The following KIF17 variants were observed in gnomAD, a reference collection of about 807,000 sequenced individuals.
The protein encoded by KIF17 is kinesin family member 17.
In KIF17, 80 loss-of-function variants were observed where a neutral mutation model predicts 96.8. The ratio of observed to expected loss-of-function variants is 0.83; its 90% confidence interval spans 0.69 to 1.00. KIF17 has a LOEUF of 1.00. KIF17 is among the 50% of genes least tolerant of loss of function. The probability of loss-of-function intolerance (pLI) is 0.00; values close to 1 mark genes in which losing one functional copy is unlikely to be tolerated. For missense variants in KIF17, 1,280 were observed against 1,372.9 expected (o/e 0.93, Z 1.07); for synonymous variants, 567 against 587.5 (o/e 0.97, Z 0.51).
At position 20,666,229 on chromosome 1, in the gene KIF17, C is replaced by T. The variant is rs371204342; in HGVS notation, c.2893G>A (p.Ala965Thr). 9.9e-6 allele frequency: 16 copies of T among 1,613,398 alleles called. No homozygotes were observed. Among genetic ancestry groups the T allele is most frequent in the Non-Finnish European group, 1.3e-5 (15 of 1,179,410 alleles). ...KRASQILSTD[A>T]RKSLTHHNSP... ...GGACACTCACTGAGGCTCTTCCTGG[C>T]GTCTGTGCTGAGGATCTGGCTGGCC... Residue 965 changes from alanine to threonine, a missense_variant, in exon 14 of 15, where the codon GCC becomes ACC. Physicochemically the swap from Ala to Thr is moderately conservative, Grantham distance 58. Coordinates refer to ENST00000400463, the MANE Select transcript of KIF17 (RefSeq NM_001122819.3).
chr1:20,688,930 G>A (rs12406377), intron 7 of KIF17, among the ~76,000 whole-genome samples: 4,224 of 152,276 alleles, frequency 0.028, 168 homozygotes, highest in East Asian at 0.12. Context: ...GCCCCTTAGT[G>A]CTCCAGTTCA....
chr1:20,686,849 A>G (rs1235676097), intron 8 of KIF17, among the ~76,000 whole-genome samples: 1 of 152,166 alleles, frequency 6.6e-6, no homozygotes, highest in African/African-American at 2.4e-5. Flanking sequence ...GCGTGAGCCA[A>G]TGTGCCTGGC....
intron 6 of KIF17, among the ~76,000 whole-genome samples, 181 bp from the exon 7 acceptor site, chr1:20,690,516 T>C (rs1328639530): frequency 6.6e-6 from 1 of 152,020 alleles, no homozygotes; most frequent in East Asian, 1.9e-4. Context: ...CTGTTCTCAA[T>C]GCTTTTTTGT....
chr1:20,673,355 T>G (rs575079195), intron 11 of KIF17, among the ~76,000 whole-genome samples: 1 of 151,750 alleles, frequency 6.6e-6, no homozygotes, highest in South Asian at 2.1e-4. Context: ...GGGTTTCAAC[T>G]GGATTAACAA....
chr1:20,714,044 T>C (rs999868129), intron 2 of KIF17, among the ~76,000 whole-genome samples: 55 of 151,912 alleles, frequency 3.6e-4, no homozygotes, highest in Middle Eastern at 3.4e-3. Flanking sequence ...AAAAATTAGC[T>C]AGGCCAAGCG....
In KIF17 at chr1:20,690,293, C is replaced by A. The variant is rs770624460; in HGVS notation, c.1276G>T (p.Ala426Ser). ...RLARLKADYK[A>S]EQESRARLEE... ...AGCCTGGCCCGAGACTCCTGCTCGG[C>A]CTTATAGTCGGCTTTCAGCCGGGCC... The change falls in exon 7 of 15, where the codon GCC (alanine) becomes TCC (serine). Residue 426 changes from alanine to serine, a missense_variant. By Grantham distance (99) the Ala-to-Ser change is moderately conservative. Coordinates refer to ENST00000400463, the MANE Select transcript of KIF17 (RefSeq NM_001122819.3). 3 of 1,377,562 alleles carry A rather than the reference C, an allele frequency of 2.2e-6. No individual in the cohort carries two copies. The highest frequency in any genetic ancestry group is 9.7e-7 in the Non-Finnish European group (1 of 1,031,750). The allele number at this position is 1,377,562 out of a possible 1,614,324, so 85.3% of individuals were successfully genotyped here.
At chr1:20,708,102 C>G (rs867882512) in intron 4 of KIF17, among the ~76,000 whole-genome samples, 11 of 151,922 alleles carry the variant, frequency 7.2e-5, no homozygotes, top group African/African-American at 2.7e-4. Flanking sequence ...CCCCCTAAAC[C>G]CGCTCCCTCC....
In KIF17 at chr1:20,672,241, C is replaced by T. The variant is rs1233194956; in HGVS notation, c.2464-45G>A. On this transcript the variant is annotated intron_variant, in intron 11 of 14. Transcript: ENST00000400463. This position sits in a 1 kb window ranked among gnomAD's most constrained non-coding sequence, Gnocchi z 4.3. The stretch of plus-strand genomic sequence containing the variant: ...AGCAGTGAGCAGGGAAAGATACCTC[C>T]CCTTCCATCTAACCACCCTGTCCAC... 6.2e-7 allele frequency: 1 copy of T among 1,609,480 alleles called. No individual in the cohort carries two copies. The highest frequency in any genetic ancestry group is 1.3e-5 in the African/African-American group (1 of 74,828).
At position 20,710,000 on chromosome 1, in the gene KIF17, A is replaced by G. The variant is rs1228282589; in HGVS notation, c.481-172T>C. Among the ~76,000 whole-genome samples, 1 of 152,198 alleles carries G rather than the reference A, an allele frequency of 6.6e-6. No homozygotes were observed. The highest frequency in any genetic ancestry group is 1.5e-5 in the Non-Finnish European group (1 of 68,026). ...GGAGGGGTGTGTTCCAGGCCCAGCC[A>G]GCCTCAGACCTACCCCTGCCTCCTA... On this transcript the variant is annotated intron_variant, in intron 3 of 14. Coordinates refer to ENST00000400463, the MANE Select transcript of KIF17 (RefSeq NM_001122819.3). The surrounding 1 kb of genome is among the most constrained non-coding windows in gnomAD (Gnocchi z 4.7).
Position 20,690,174 on chromosome 1 carries a change from C to T in KIF17, c.1381+14G>A. 6.2e-7 allele frequency: 1 copy of T among 1,614,048 alleles called. No homozygotes were observed. The highest frequency in any genetic ancestry group is 8.5e-7 in the Non-Finnish European group (1 of 1,180,032). ...CTTCCCTGGAGACAGCCTCGGGGGG[C>T]AAGGGGTGCCCACCTGTCTCCTTCC... On this transcript the variant is annotated intron_variant, in intron 7 of 14. Transcript: ENST00000400463.
At chr1:20,698,330 G>A (rs2054177802) in intron 6 of KIF17, 49 bp downstream of exon 6, 1 of 1,358,538 alleles carries the variant, frequency 7.4e-7, no homozygotes, top group Non-Finnish European at 1.1e-6. Flanking sequence ...TTCCCGCTGG[G>A]CCCCACCTGC....
chr1:20,671,970 T>C lies in KIF17; in HGVS notation c.2690A>G (p.His897Arg). The C allele has an allele frequency of 1.2e-6, 2 of 1,613,956 alleles. No homozygotes were observed. The highest frequency in any genetic ancestry group is 1.7e-6 in the Non-Finnish European group (2 of 1,180,038). Reference sequence around the variant, plus strand: ...GAGGCTGGTTTTTGTGATGACGGGATGTGGGATCTTCCAGAAGCCGTTATC... The same window carrying C: ...GAGGCTGGTTTTTGTGATGACGGGACGTGGGATCTTCCAGAAGCCGTTATC... The part of the protein sequence containing the change: ...DEDNGFWKIP[H>R]PVITKTSLPV... Residue 897 changes from histidine (H) to arginine (R), a missense_variant, in exon 12 of 15, where the codon CAT (histidine) becomes CGT (arginine). By Grantham distance (29) the His-to-Arg change is conservative. Coordinates refer to ENST00000400463, the MANE Select transcript of KIF17 (RefSeq NM_001122819.3).
chr1:20,688,313 T>C (rs1570453546), intron 7 of KIF17, among the ~76,000 whole-genome samples: 1 of 152,096 alleles, frequency 6.6e-6, no homozygotes, highest in Admixed American at 6.6e-5. Context: ...CCTCCCAAAG[T>C]GCTGGGATTA....
intron 13 of KIF17, among the ~76,000 whole-genome samples, chr1:20,667,218 C>T (rs2053545022): frequency 6.6e-6 from 1 of 152,172 alleles, no homozygotes. Context: ...ATTGCCTGAG[C>T]TGCACCTCTT....
Position 20,685,072 on chromosome 1 carries a change from G to A in KIF17, c.2020-52C>T, listed in dbSNP as rs752485809. 87 of 1,446,050 alleles carry A rather than the reference G, an allele frequency of 6.0e-5. No individual in the cohort carries two copies. The highest frequency in any genetic ancestry group is 4.0e-4 in the South Asian group (33 of 82,064). The allele number at this position is 1,446,050 out of a possible 1,614,324, so 89.6% of individuals were successfully genotyped here. On this transcript the variant is annotated intron_variant, in intron 9 of 14. Transcript: ENST00000400463. This position sits in a 1 kb window ranked among gnomAD's most constrained non-coding sequence, Gnocchi z 4.1. The stretch of plus-strand genomic sequence containing the variant: ...AGGTGGGAAGGCCGCCCCAACCCCC[G>A]CCGACAGCTCCCAGGTGGCTCAATC...
At chr1:20,667,874 G>A (rs1490447138) in intron 13 of KIF17, among the ~76,000 whole-genome samples, 4 of 152,134 alleles carry the variant, frequency 2.6e-5, no homozygotes, top group South Asian at 2.1e-4. Context: ...GCTGGACGTC[G>A]TGGTGCATGC....
chr1:20,715,480 G>T lies in KIF17; in HGVS notation c.378+13C>A, dbSNP rs757768316. Reference sequence around the variant, plus strand: ...AGCTCTGGCCCTGCCCCTTCCCTCTGCGAGGCCCGTACCTGGACGCTCTCG... The same window carrying T: ...AGCTCTGGCCCTGCCCCTTCCCTCTTCGAGGCCCGTACCTGGACGCTCTCG... On this transcript the variant is annotated intron_variant, in intron 2 of 14. Transcript: ENST00000400463. The T allele has an allele frequency of 5.6e-6, 9 of 1,610,758 alleles. No individual in the cohort carries two copies. Among genetic ancestry groups the T allele is most frequent in the African/African-American group, 1.3e-5 (1 of 75,022 alleles).
intron 11 of KIF17, among the ~76,000 whole-genome samples, chr1:20,676,228 A>G (rs896607501): frequency 1.5e-4 from 23 of 152,224 alleles, no homozygotes; most frequent in Non-Finnish European, 2.9e-5. Context: ...CCCATGATTG[A>G]AAATTAATAT....
intron 2 of KIF17, 30 bp from the exon 3 acceptor site, chr1:20,713,585 C>A (rs771275546): frequency 2.2e-5 from 35 of 1,562,930 alleles, no homozygotes; most frequent in African/African-American, 4.1e-5. Context: ...AGAACCTAGA[C>A]CTCAGAGCTC....
Sources: allele counts gnomAD v4.1 joint callset (sites outside exome capture counted in the v4.1 genomes callset), GRCh38; gene constraint gnomAD v4.1.1; non-coding constraint Gnocchi (gnomAD v3.1); transcripts MANE v1.5; gene names NCBI Gene and HGNC (gene_info 2026-07-23, HGNC 2026-07-21).